The following NDC1 variants were observed in gnomAD, a reference collection of about 807,000 sequenced individuals.
NDC1 encodes the protein NDC1 transmembrane nucleoporin, also known as nucleoporin NDC1.
NDC1 carries 24 observed loss-of-function variants against 89.8 expected under a neutral mutation model. The observed-to-expected ratio is 0.27, with a 90% CI of 0.19 to 0.38. NDC1 has a LOEUF of 0.38. NDC1 is among the 10% of genes least tolerant of loss of function. The pLI is 1.00. For missense variants in NDC1, 728 were observed against 797.6 expected, an observed-to-expected ratio of 0.91 and a Z score of 1.05; for synonymous variants, 296 against 284.8, an observed-to-expected ratio of 1.04 and a Z score of -0.39.
chr1:53,820,556 G>GA (rs1451576543), intron 5 of NDC1, among the ~76,000 whole-genome samples: 2 of 151,544 alleles, frequency 1.3e-5, no homozygotes, highest in African/African-American at 2.4e-5. Flanking sequence ...GTCTTTTCTT[G>GA]AAAAAACTAC....
intron 3 of NDC1, among the ~76,000 whole-genome samples, chr1:53,831,216 C>T (rs994313572): frequency 1.6e-4 from 25 of 151,856 alleles, no homozygotes; most frequent in African/African-American, 6.0e-4. Flanking sequence ...CAGAGCAAGA[C>T]TCCGTCTCAA....
chr1:53,804,159 G>A (rs1031145785), intron 9 of NDC1, 150 bp from the exon 10 acceptor site: 30 of 607,484 alleles, frequency 4.9e-5, no homozygotes, highest in Non-Finnish European at 8.2e-5. Context: ...TTCCTTTCTA[G>A]ACTTCCAGAA....
chr1:53,800,954 G>T, intron 10 of NDC1, 106 bp from the exon 11 acceptor site: 1 of 1,054,404 alleles, frequency 9.5e-7, no homozygotes, highest in Non-Finnish European at 1.4e-6. Flanking sequence ...TTGGCATCAG[G>T]ACCCACTTTT....
At chr1:53,807,264 A>T (rs1648141944) in intron 8 of NDC1, among the ~76,000 whole-genome samples, 3 of 151,564 alleles carry the variant, frequency 2.0e-5, no homozygotes, top group Admixed American at 1.3e-4. Context: ...AAAAAAAAAA[A>T]AAAAAAAAAA....
At chr1:53,809,251 T>C (rs1648218054) in intron 7 of NDC1, among the ~76,000 whole-genome samples, 1 of 152,250 alleles carries the variant, frequency 6.6e-6, no homozygotes, top group Admixed American at 6.5e-5. Context: ...CACTTTTGTA[T>C]AGTATAAAAG....
intron 10 of NDC1, 30 bp from the exon 11 acceptor site, chr1:53,800,878 T>C (rs1647888785): frequency 1.3e-6 from 2 of 1,541,142 alleles, no homozygotes; most frequent in African/African-American, 1.4e-5. Flanking sequence ...GCTTTTAAAA[T>C]GTAAATAATC....
At chr1:53,814,668 G>C (rs1178303780) in intron 6 of NDC1, among the ~76,000 whole-genome samples, 1 of 152,078 alleles carries the variant, frequency 6.6e-6, no homozygotes, top group East Asian at 1.9e-4. Context: ...CAAAAAGCTG[G>C]TTCTTTGAAA....
chr1:53,774,355 T>C (rs550381042), intron 16 of NDC1, among the ~76,000 whole-genome samples: 1 of 152,320 alleles, frequency 6.6e-6, no homozygotes, highest in Admixed American at 6.5e-5. Context: ...AATAAATGAT[T>C]GGACTCAGAG....
intron 6 of NDC1, among the ~76,000 whole-genome samples, chr1:53,813,164 T>C (rs1249215889): frequency 1.3e-5 from 2 of 152,132 alleles, no homozygotes; most frequent in Non-Finnish European, 2.9e-5. Flanking sequence ...CTTTAAAGCA[T>C]AAATCAAACA....
chr1:53,779,963 A>G (rs540893998), intron 16 of NDC1, among the ~76,000 whole-genome samples: 29 of 151,976 alleles, frequency 1.9e-4, no homozygotes, highest in Middle Eastern at 6.8e-3. Flanking sequence ...CAACCCCTAC[A>G]TTCTCCAGGA....
At chr1:53,798,566 T>C (rs979175993) in intron 11 of NDC1, among the ~76,000 whole-genome samples, 63 of 150,894 alleles carry the variant, frequency 4.2e-4, no homozygotes, top group Non-Finnish European at 5.9e-4. Context: ...TTTTTTTTTT[T>C]CTCCTTAAGA....
At chr1:53,828,280 A>C in intron 3 of NDC1, 107 bp from the exon 4 acceptor site, 1 of 1,035,018 alleles carries the variant, frequency 9.7e-7, no homozygotes, top group Non-Finnish European at 1.4e-6. Flanking sequence ...AGGCAGAGAG[A>C]AATCCACAGT....
At chr1:53,795,322 T>C (rs968120137) in intron 13 of NDC1, among the ~76,000 whole-genome samples, 2 of 152,182 alleles carry the variant, frequency 1.3e-5, no homozygotes, top group African/African-American at 4.8e-5. Context: ...TTGAATACTA[T>C]CTATACTCTG....
chr1:53,817,694 C>T (rs1648527051), intron 6 of NDC1, among the ~76,000 whole-genome samples: 1 of 151,986 alleles, frequency 6.6e-6, no homozygotes, highest in African/African-American at 2.4e-5. Context: ...AGAAGAATGA[C>T]AATCATAAGA....
intron 10 of NDC1, among the ~76,000 whole-genome samples, chr1:53,803,401 C>A (rs1366224150): frequency 6.6e-6 from 1 of 151,666 alleles, no homozygotes; most frequent in Non-Finnish European, 1.5e-5. Flanking sequence ...ATTTTTCTGC[C>A]CTAAAATTGT....
intron 4 of NDC1, among the ~76,000 whole-genome samples, chr1:53,827,689 C>T (rs1414916988): frequency 6.6e-6 from 1 of 152,214 alleles, no homozygotes; most frequent in Non-Finnish European, 1.5e-5. Context: ...TTTGTCTGCA[C>T]ATCTCACTTT....
chr1:53,789,499 T>G (rs1647412717), intron 14 of NDC1, among the ~76,000 whole-genome samples: 1 of 152,218 alleles, frequency 6.6e-6, no homozygotes. Flanking sequence ...CTTAAGAGAA[T>G]GGTTACAGAA....
intron 9 of NDC1, among the ~76,000 whole-genome samples, chr1:53,805,537 G>A (rs1175113661): frequency 6.6e-6 from 1 of 152,086 alleles, no homozygotes; most frequent in Non-Finnish European, 1.5e-5. Flanking sequence ...CACACATACT[G>A]TAGATCTAGT....
intron 17 of NDC1, among the ~76,000 whole-genome samples, chr1:53,768,492 T>C (rs116259663): frequency 0.013 from 1,991 of 152,292 alleles, 43 homozygotes; most frequent in African/African-American, 0.046. Context: ...GGTAACAGCT[T>C]GGTGGTTTAG....
Sources: gnomAD v4.1 joint callset for allele counts (sites outside exome capture counted in the v4.1 genomes callset) on GRCh38, gnomAD v4.1.1 for gene constraint, MANE v1.5 for transcripts, NCBI Gene and HGNC (gene_info 2026-07-23, HGNC 2026-07-21) for gene names.